The following PPWD1 variants were observed in gnomAD, a reference collection of about 807,000 sequenced individuals.
The protein encoded by PPWD1 is peptidylprolyl isomerase domain and WD repeat-containing protein 1.
Under a neutral mutation model 68.8 loss-of-function variants are expected in PPWD1, and 43 were observed. The observed-to-expected ratio is 0.62, with a 90% CI of 0.49 to 0.81. The LOEUF is 0.81. Among genes scored for constraint, PPWD1 ranks in the 30% least tolerant of loss-of-function variants. The pLI is 0.00. For missense variants in PPWD1, 672 were observed against 804.8 expected, an observed-to-expected ratio of 0.83 and a Z score of 2.00; for synonymous variants, 232 against 258.7, an observed-to-expected ratio of 0.90 and a Z score of 0.99.
Position 65,586,022 on chromosome 5 carries a change from T to C in PPWD1, c.1638T>C (p.Asp546=), listed in dbSNP as rs536262156. 6.2e-6 allele frequency: 10 copies of C among 1,613,198 alleles called. No individual in the cohort carries two copies. In the African/African-American group the frequency reaches 1.2e-4, roughly 19 times the overall value. The change falls in exon 10 of 11, where the codon GAT becomes GAC. Residue 546 remains aspartate, a synonymous_variant. Coordinates refer to ENST00000261308, the MANE Select transcript of PPWD1 (RefSeq NM_015342.4). ...IIKGFMIQTG[D]PTGTGMGGES... is the part of the protein sequence containing the mutation. ...AGGGCTTTATGATTCAGACTGGAGA[T>C]CCAACAGGTACTGGTATGGGAGGAG...
intron 1 of PPWD1, among the ~76,000 whole-genome samples, chr5:65,566,919 C>T (rs1752802873): frequency 6.6e-6 from 1 of 151,376 alleles, no homozygotes. Context: ...GGATTTTTTC[C>T]AGGTTTTGCC....
intron 9 of PPWD1, 81 bp downstream of exon 9, chr5:65,585,176 C>G (rs1753779522): frequency 6.7e-6 from 9 of 1,348,564 alleles, no homozygotes; most frequent in Non-Finnish European, 9.3e-6. Flanking sequence ...GAATCTTCTT[C>G]TCTCACACTT....
At chr5:65,586,634 A>C (rs2150612380) in intron 10 of PPWD1, among the ~76,000 whole-genome samples, 1 of 152,312 alleles carries the variant, frequency 6.6e-6, no homozygotes, top group South Asian at 2.1e-4. Context: ...GCTATGCCAT[A>C]ACACAAAATT....
In PPWD1 at chr5:65,571,981, C is replaced by T; in HGVS notation, c.664C>T (p.His222Tyr). 6.2e-7 allele frequency: 1 copy of T among 1,613,912 alleles called. No individual in the cohort carries two copies. The highest frequency in any genetic ancestry group is 1.7e-4 in the Middle Eastern group (1 of 6,058). Residue 222 changes from histidine (H) to tyrosine (Y), a missense_variant, in exon 5 of 11, where the codon CAT becomes TAT. Transcript: ENST00000261308. ...NQPLHIFDKL[H>Y]TSPLTQIRLN... ...GCCACTTCATATTTTTGACAAACTC[C>T]ATACATCACCTCTTACTCAGATACG...
At chr5:65,570,162 G>C (rs892166592) in intron 4 of PPWD1, 164 bp downstream of exon 4, 15 of 875,190 alleles carry the variant, frequency 1.7e-5, no homozygotes, top group Non-Finnish European at 1.9e-5. Context: ...GCCTTATAAT[G>C]TTTGGAAGCA....
At chr5:65,580,868 T>G (rs1753563439) in intron 7 of PPWD1, among the ~76,000 whole-genome samples, 1 of 152,178 alleles carries the variant, frequency 6.6e-6, no homozygotes, top group South Asian at 2.1e-4. Flanking sequence ...ATGTTTCTCT[T>G]ATGCTTCCCC....
Position 65,572,225 on chromosome 5 carries a change from A to G in PPWD1, c.908A>G (p.Lys303Arg), listed in dbSNP as rs2150594853. ...KKIATIGSDR[K>R]VRIFRFVTGK... is the part of the protein sequence containing the mutation. ...ATAGCTACTATTGGTTCTGATAGAAAAGTTAGAATTTTCAGATTTGTAACT... is the reference window on the plus strand; with the variant it reads ...ATAGCTACTATTGGTTCTGATAGAAGAGTTAGAATTTTCAGATTTGTAACT... Residue 303 changes from lysine to arginine, a missense_variant, in exon 5 of 11, where the codon AAA becomes AGA. Physicochemically the swap from Lys to Arg is conservative, Grantham distance 26 (BLOSUM62 2). Coordinates refer to ENST00000261308, the MANE Select transcript of PPWD1 (RefSeq NM_015342.4). 1 of 1,612,628 alleles carries G rather than the reference A, an allele frequency of 6.2e-7. No individual in the cohort carries two copies.
intron 5 of PPWD1, among the ~76,000 whole-genome samples, chr5:65,575,469 G>A (rs1395091801): frequency 6.6e-6 from 1 of 152,072 alleles, no homozygotes; most frequent in Non-Finnish European, 1.5e-5. Flanking sequence ...ACCTCATTTT[G>A]ATTTTTTGAG....
intron 5 of PPWD1, among the ~76,000 whole-genome samples, chr5:65,575,748 C>G (rs1753253474): frequency 6.6e-6 from 1 of 152,076 alleles, no homozygotes; most frequent in East Asian, 1.9e-4. Flanking sequence ...AAAAGTAAAC[C>G]AAATTTCCAA....
chr5:65,568,225 T>C (rs1752862548), intron 2 of PPWD1: 1 of 152,336 alleles, frequency 6.6e-6, no homozygotes, highest in African/African-American at 2.4e-5. Flanking sequence ...GGATAAGGGA[T>C]ACTCAAACTG....
At chr5:65,586,543 A>G (rs773310173) in intron 10 of PPWD1, among the ~76,000 whole-genome samples, 2 of 152,148 alleles carry the variant, frequency 1.3e-5, no homozygotes, top group African/African-American at 2.4e-5. Flanking sequence ...TTTTGAGACA[A>G]TTTCCCCCAC....
chr5:65,584,774 C>A (rs910488598), intron 8 of PPWD1, among the ~76,000 whole-genome samples: 2 of 151,594 alleles, frequency 1.3e-5, no homozygotes, highest in Non-Finnish European at 1.5e-5. Context: ...TACTGTCAAA[C>A]TCAAATATTA....
At chr5:65,584,982 A>G (rs1161612114) in intron 8 of PPWD1, 32 bp from the exon 9 acceptor site, 1 of 1,604,766 alleles carries the variant, frequency 6.2e-7, no homozygotes, top group East Asian at 2.2e-5. Flanking sequence ...TGCTCTGAAT[A>G]GGTTTCATAT....
chr5:65,573,160 C>T (rs538767971), intron 5 of PPWD1, among the ~76,000 whole-genome samples: 87 of 137,668 alleles, frequency 6.3e-4, no homozygotes, highest in Admixed American at 1.4e-3. Context: ...TTGTTTCCTC[C>T]ACCTGGAGTG....
intron 1 of PPWD1, among the ~76,000 whole-genome samples, chr5:65,565,798 A>T (rs1420377455): frequency 8.4e-6 from 1 of 119,568 alleles, no homozygotes; most frequent in African/African-American, 3.3e-5. Context: ...ACAGAGCAAG[A>T]CTCCGTCTCA....
intron 10 of PPWD1, among the ~76,000 whole-genome samples, chr5:65,586,659 G>C (rs1431044162): frequency 6.6e-6 from 1 of 152,064 alleles, no homozygotes; most frequent in Non-Finnish European, 1.5e-5. Context: ...AAATTACCTA[G>C]TTTTTGTTTT....
At chr5:65,569,473 G>T in intron 2 of PPWD1, 159 bp from the exon 3 acceptor site, 1 of 695,416 alleles carries the variant, frequency 1.4e-6, no homozygotes, top group Non-Finnish European at 2.1e-6. Flanking sequence ...TTCAAAATTT[G>T]CAGTGTTCTG....
intron 5 of PPWD1, among the ~76,000 whole-genome samples, chr5:65,573,478 T>A (rs1354416449): frequency 0.37 from 21,527 of 57,872 alleles, 3,555 homozygotes; most frequent in Non-Finnish European, 0.42. Flanking sequence ...TATATATATT[T>A]TTTTTTTATT....
rs1752934149 is a variant in PPWD1, at chr5:65,569,710, T to G, written c.378T>G (p.Val126=). The change falls in exon 3 of 11, where the codon GTT becomes GTG. Residue 126 remains valine (V), a synonymous_variant. Coordinates refer to ENST00000261308, the MANE Select transcript of PPWD1 (RefSeq NM_015342.4). Reference sequence around the variant, plus strand: ...AAATAGAAGAGGGAATTGAATTTGTTAAACATTTTCGTAGTCACCTGGGTA... The same window carrying G: ...AAATAGAAGAGGGAATTGAATTTGTGAAACATTTTCGTAGTCACCTGGGTA... ...WKKIEEGIEF[V]KHFRSHLGVI... is the part of the protein sequence containing the mutation. The G allele has an allele frequency of 1.1e-5, 17 of 1,610,132 alleles. No individual in the cohort carries two copies. In the East Asian group the frequency reaches 3.8e-4, roughly 36 times the overall value.
Sources: allele counts gnomAD v4.1 joint callset (sites outside exome capture counted in the v4.1 genomes callset), GRCh38; gene constraint gnomAD v4.1.1; transcripts MANE v1.5; gene names NCBI Gene and HGNC (gene_info 2026-07-23, HGNC 2026-07-21).